Variants in MYO16 observed in about 807,000 individuals in gnomAD.
The protein encoded by MYO16 is myosin XVI, also known as unconventional myosin-XVI.
MYO16 carries 94 observed loss-of-function variants against 205.3 expected under a neutral mutation model. That is an observed-to-expected ratio of 0.46 (90% CI 0.39 to 0.54). The LOEUF (loss-of-function observed/expected upper bound fraction) is 0.54, where lower values mean the gene tolerates loss of function less well. MYO16 is among the 20% of genes least tolerant of loss of function. The pLI, the probability that MYO16 is intolerant of heterozygous loss-of-function variation, is 0.00. For synonymous variants in MYO16, 988 were observed against 954.0 expected (o/e 1.04, Z -0.66); for missense variants, 2,315 against 2,387.5 (o/e 0.97, Z 0.63).
At chr13:108,661,647 C>A (rs973783596) in intron 1 of MYO16, among the ~76,000 whole-genome samples, 3 of 152,080 alleles carry the variant, frequency 2.0e-5, no homozygotes, top group Non-Finnish European at 2.9e-5. Flanking sequence ...ATTGTTTTTT[C>A]TTTAAGCTAT....
At chr13:108,523,156 T>C in the MYO16 span, among the ~76,000 whole-genome samples, 1 of 152,138 alleles carries the variant, frequency 6.6e-6, no homozygotes, top group East Asian at 1.9e-4. Flanking sequence ...ATCTGCTTGA[T>C]GCAAATCAGG....
At chr13:108,756,984 G>A (rs1230518234) in intron 4 of MYO16, among the ~76,000 whole-genome samples, 1 of 152,296 alleles carries the variant, frequency 6.6e-6, no homozygotes, top group South Asian at 2.1e-4. Context: ...AGCCCTTGGT[G>A]TATCTGTTCT....
intron 33 of MYO16, among the ~76,000 whole-genome samples, chr13:109,168,235 A>C (rs1878771440): frequency 6.6e-6 from 1 of 152,144 alleles, no homozygotes; most frequent in Admixed American, 6.5e-5. Context: ...TAATTATAAT[A>C]AACTTTAAAA....
intron 5 of MYO16, among the ~76,000 whole-genome samples, chr13:108,792,366 C>T (rs1437701988): frequency 1.3e-5 from 2 of 152,148 alleles, no homozygotes; most frequent in Non-Finnish European, 2.9e-5. Flanking sequence ...GCAGAGTTCC[C>T]AAATGCCCTC....
chr13:108,816,805 C>T (rs1023272191), intron 7 of MYO16, among the ~76,000 whole-genome samples: 7 of 152,136 alleles, frequency 4.6e-5, no homozygotes, highest in African/African-American at 4.8e-5. Context: ...TCTCTCCAGT[C>T]GCTGATTTCC....
rs760305684 is a variant in MYO16, at chr13:109,127,635, C to T, written c.4051+85C>T. 3.5e-5 allele frequency: 48 copies of T among 1,368,232 alleles called. No homozygotes were observed. The Middle Eastern group carries it at 9.8e-4, about 28-fold the overall frequency. The allele number at this position is 1,368,232 out of a possible 1,614,324, so 84.8% of individuals were successfully genotyped here. A position where few individuals can be genotyped will look rare whatever the true frequency, so the allele number is the denominator to read the frequency against. On this transcript the variant is annotated intron_variant, in intron 31 of 34. Coordinates refer to ENST00000457511, the MANE Select transcript of MYO16 (RefSeq NM_001198950.3). This position sits in a 1 kb window ranked among gnomAD's most constrained non-coding sequence, Gnocchi z 4.2. ...CTTGGGGCGCCCATGGCAGTACTGTCGCCCTAATGTATTCTTAATAGAAAT... is the reference window on the plus strand; with the variant it reads ...CTTGGGGCGCCCATGGCAGTACTGTTGCCCTAATGTATTCTTAATAGAAAT...
chr13:109,076,206 T>C (rs915018654), intron 27 of MYO16, among the ~76,000 whole-genome samples: 3 of 152,210 alleles, frequency 2.0e-5, no homozygotes, highest in African/African-American at 4.8e-5. Flanking sequence ...TTTTGATGTA[T>C]TTTCTCTGTT....
chr13:108,846,753 A>G (rs1877544661), intron 10 of MYO16, among the ~76,000 whole-genome samples: 1 of 152,048 alleles, frequency 6.6e-6, no homozygotes, highest in Admixed American at 6.6e-5. Flanking sequence ...TTTAAAATGT[A>G]TTTTTGTTTT....
chr13:108,962,197 C>T (rs976402936), intron 18 of MYO16, among the ~76,000 whole-genome samples: 1 of 152,168 alleles, frequency 6.6e-6, no homozygotes, highest in Non-Finnish European at 1.5e-5. Context: ...GGAGGAAAAA[C>T]ATCCGCTGTG....
intron 23 of MYO16, among the ~76,000 whole-genome samples, chr13:109,032,183 C>T (rs1886567028): frequency 6.6e-6 from 1 of 152,144 alleles, no homozygotes; most frequent in African/African-American, 2.4e-5. Context: ...CATAGACCCT[C>T]TCTACTGGAC....
intron 16 of MYO16, among the ~76,000 whole-genome samples, chr13:108,925,638 G>A (rs949838304): frequency 2.0e-5 from 3 of 152,012 alleles, no homozygotes; most frequent in Non-Finnish European, 4.4e-5. Context: ...TGTTATTCTT[G>A]GCTCTCATCC....
At chr13:108,658,324 G>A (rs966232795) in intron 1 of MYO16, among the ~76,000 whole-genome samples, 5 of 151,872 alleles carry the variant, frequency 3.3e-5, no homozygotes, top group African/African-American at 7.3e-5. Flanking sequence ...TCTAGAAATT[G>A]TCAATTTCTC....
At chr13:108,861,108 C>T (rs1040364310) in intron 11 of MYO16, among the ~76,000 whole-genome samples, 2 of 152,118 alleles carry the variant, frequency 1.3e-5, no homozygotes, top group African/African-American at 4.8e-5. Context: ...ATATACAACT[C>T]ATTAATATAT....
intron 15 of MYO16, among the ~76,000 whole-genome samples, chr13:108,899,947 C>T (rs1191013798): frequency 6.6e-6 from 1 of 152,164 alleles, no homozygotes; most frequent in Non-Finnish European, 1.5e-5. Flanking sequence ...ATTCATGGGA[C>T]GTGAGTGTCT....
chr13:108,811,730 A>C (rs1380358366), intron 7 of MYO16, among the ~76,000 whole-genome samples: 1 of 152,046 alleles, frequency 6.6e-6, no homozygotes, highest in Non-Finnish European at 1.5e-5. Flanking sequence ...TTAAGCTATA[A>C]TCACCACCAG....
intron 32 of MYO16, among the ~76,000 whole-genome samples, chr13:109,155,871 G>A (rs1877989528): frequency 6.6e-6 from 1 of 152,152 alleles, no homozygotes; most frequent in South Asian, 2.1e-4. Context: ...ATTAGCCTCT[G>A]TGGTTCTTTA....
chr13:109,141,418 C>T lies in MYO16; in HGVS notation c.5164+42C>T, dbSNP rs376372144. 5 of 1,302,604 alleles carry T rather than the reference C, an allele frequency of 3.8e-6. No individual in the cohort carries two copies. Among genetic ancestry groups the T allele is most frequent in the South Asian group, 1.6e-5 (1 of 62,498 alleles). The allele number at this position is 1,302,604 out of a possible 1,614,324, so 80.7% of individuals were successfully genotyped here. ...TCCCCCCACTCCTTTTGCATGGACG[C>T]TGTGCTTGCGTGCACCTGTGTACAT... On this transcript the variant is annotated intron_variant, in intron 32 of 34. Transcript: ENST00000457511. This position sits in a 1 kb window ranked among gnomAD's most constrained non-coding sequence, Gnocchi z 4.1.
At chr13:108,783,895 T>C (rs1249690607) in intron 4 of MYO16, among the ~76,000 whole-genome samples, 2 of 152,170 alleles carry the variant, frequency 1.3e-5, no homozygotes, top group African/African-American at 2.4e-5. Flanking sequence ...TTGTTCCCAG[T>C]TTTGGGTATG....
At chr13:108,517,951 C>T in the MYO16 span, among the ~76,000 whole-genome samples, 3 of 152,126 alleles carry the variant, frequency 2.0e-5, no homozygotes, top group Non-Finnish European at 4.4e-5. Context: ...TTATGAGGCA[C>T]TAAACCTCTT....
Sources: gnomAD v4.1 joint callset for allele counts (sites outside exome capture counted in the v4.1 genomes callset) on GRCh38, gnomAD v4.1.1 for gene constraint, Gnocchi (gnomAD v3.1) non-coding constraint, MANE v1.5 for transcripts, NCBI Gene and HGNC (gene_info 2026-07-23, HGNC 2026-07-21) for gene names.